Variants in LYSMD4 observed in about 807,000 individuals in gnomAD.
The protein encoded by LYSMD4 is lysM and putative peptidoglycan-binding domain-containing protein 4.
A neutral mutation model predicts 6.1 loss-of-function variants in LYSMD4; 9 were observed. That is an observed-to-expected ratio of 1.47 (90% CI 0.88 to 2.56). The LOEUF is 2.56. Ranked by LOEUF, LYSMD4 falls within the 30% of genes most tolerant of loss-of-function variation. LYSMD4 has a pLI of 0.00. For missense variants in LYSMD4, 384 were observed against 373.5 expected (o/e 1.03, Z -0.23); for synonymous variants, 143 against 148.5 (o/e 0.96, Z 0.27).
chr15:99,720,602 C>T (rs963362530), upstream of LYSMD4, among the ~76,000 whole-genome samples: 5 of 152,368 alleles, frequency 3.3e-5, no homozygotes, highest in Admixed American at 3.3e-4. Context: ...GCTCTCAACA[C>T]TGCCCAGAGA....
chr15:99,716,882 G>C, exon 1 of LYSMD4: 1 of 350,884 alleles, frequency 2.8e-6, no homozygotes, highest in South Asian at 2.1e-5. Flanking sequence ...TAGATTCTGG[G>C]TCTCTTTAAA....
chr15:99,728,975 A>G lies in LYSMD4; in HGVS notation c.*148T>C. On this transcript the variant is annotated 3_prime_UTR_variant, in exon 3 of 3. Coordinates refer to ENST00000684762, the MANE Select transcript of LYSMD4 (RefSeq NM_001284417.2). ...ACTGGGTAAGGCCATGCCCAGGGCC[A>G]GTGCAATTGGGAATACTGCAGTGAC... The G allele has an allele frequency of 9.1e-7, 1 of 1,098,886 alleles. No individual in the cohort carries two copies. The highest frequency in any genetic ancestry group is 1.5e-5 in the South Asian group (1 of 68,026). 68.1% of individuals were successfully genotyped at this position (1,098,886 alleles called of 1,614,324 possible).
upstream of LYSMD4, among the ~76,000 whole-genome samples, chr15:99,720,214 A>G (rs2059227828): frequency 6.6e-6 from 1 of 152,214 alleles, no homozygotes; most frequent in South Asian, 2.1e-4. Context: ...CCAAGGTTAG[A>G]GAGGAAGTCA....
chr15:99,724,563 C>T (rs1184820044), downstream of LYSMD4, among the ~76,000 whole-genome samples: 1 of 152,246 alleles, frequency 6.6e-6, no homozygotes, highest in African/African-American at 2.4e-5. Flanking sequence ...CTGCGCCCAG[C>T]CCTGGCATAG....
At chr15:99,731,588 T>C in intron 2 of LYSMD4, 130 bp downstream of exon 2, 1 of 1,525,316 alleles carries the variant, frequency 6.6e-7, no homozygotes, top group Non-Finnish European at 8.8e-7. Flanking sequence ...AGGGGAGTCC[T>C]TGGCTGCTAC....
chr15:99,724,142 G>A (rs2059259142), downstream of LYSMD4, among the ~76,000 whole-genome samples: 1 of 151,052 alleles, frequency 6.6e-6, no homozygotes, highest in African/African-American at 2.5e-5. Context: ...TCTTTCAGAT[G>A]TCGACTAAGG....
intron 1 of LYSMD4, 191 bp downstream of exon 1, chr15:99,733,154 C>G (rs2059463735): frequency 2.7e-6 from 1 of 372,682 alleles, no homozygotes; most frequent in Admixed American, 4.6e-5. Flanking sequence ...GACCTCTGAC[C>G]CCCAACCCTA....
At chr15:99,724,101 C>T (rs930539970), downstream of LYSMD4, among the ~76,000 whole-genome samples, 3 of 150,954 alleles carry the variant, frequency 2.0e-5, no homozygotes, top group Non-Finnish European at 2.9e-5. Flanking sequence ...TGAAAAGAAC[C>T]ATCCACTGCC....
chr15:99,728,079 T>G lies in LYSMD4; in HGVS notation c.*1044A>C, dbSNP rs1326186503. 6.6e-6 allele frequency: 1 copy of G among 152,302 alleles called. No homozygotes were observed. Among genetic ancestry groups the G allele is most frequent in the Non-Finnish European group, 1.5e-5 (1 of 68,074 alleles). The allele number at this position is 152,302 out of a possible 1,614,324, so 9.4% of individuals were successfully genotyped here. ...ACAAGGGTCGCCTCTAGCCCCTCCA[T>G]CAAGTCTTTGGTCCTGGAACATTGT... is the stretch of plus-strand genomic sequence containing the variant. On this transcript the variant is annotated 3_prime_UTR_variant, in exon 3 of 3. Coordinates refer to ENST00000684762, the MANE Select transcript of LYSMD4 (RefSeq NM_001284417.2).
At chr15:99,722,217 C>T (rs528622351), upstream of LYSMD4, among the ~76,000 whole-genome samples, 11 of 152,176 alleles carry the variant, frequency 7.2e-5, no homozygotes, top group African/African-American at 1.7e-4. Context: ...TGTGTGTGTT[C>T]GGTGGTGAGA....
At chr15:99,730,774 C>T (rs900171585) in intron 2 of LYSMD4, among the ~76,000 whole-genome samples, 8 of 152,152 alleles carry the variant, frequency 5.3e-5, no homozygotes, top group African/African-American at 1.2e-4. Context: ...ATATTCTTTA[C>T]GGATTTAGAC....
At chr15:99,721,317 G>A (rs1270828546), upstream of LYSMD4, among the ~76,000 whole-genome samples, 3 of 152,184 alleles carry the variant, frequency 2.0e-5, no homozygotes, top group Non-Finnish European at 4.4e-5. Flanking sequence ...AGGATTTAGG[G>A]AGGAGGGAGG....
chr15:99,722,748 C>A (rs573479383), downstream of LYSMD4, among the ~76,000 whole-genome samples: 2 of 152,130 alleles, frequency 1.3e-5, no homozygotes, highest in Non-Finnish European at 2.9e-5. Context: ...GTAAAAGATG[C>A]GTTGGGCCAG....
chr15:99,716,182 C>CTT (rs1347625063), exon 1 of LYSMD4: 1 of 180,510 alleles, frequency 5.5e-6, no homozygotes, highest in East Asian at 1.5e-4. Flanking sequence ...TTTAAAATGG[C>CTT]TTTTTTAAAA....
At chr15:99,721,639 G>C (rs926418013), upstream of LYSMD4, among the ~76,000 whole-genome samples, 6 of 152,162 alleles carry the variant, frequency 3.9e-5, no homozygotes, top group South Asian at 4.1e-4. Flanking sequence ...TCCACTGACA[G>C]GCCTGCTCCC....
downstream of LYSMD4, among the ~76,000 whole-genome samples, chr15:99,724,042 T>TC (rs774994973): frequency 6.6e-5 from 10 of 150,828 alleles, no homozygotes; most frequent in Non-Finnish European, 1.3e-4. Context: ...GTCTACATAG[T>TC]CCCCCGTTTC....
downstream of LYSMD4, among the ~76,000 whole-genome samples, chr15:99,722,483 T>G (rs1306081775): frequency 6.6e-6 from 1 of 152,066 alleles, no homozygotes; most frequent in African/African-American, 2.4e-5. Flanking sequence ...CAACATAAAA[T>G]TCACCATGTC....
At chr15:99,726,083 G>A (rs1250299130), downstream of LYSMD4, among the ~76,000 whole-genome samples, 1 of 150,576 alleles carries the variant, frequency 6.6e-6, no homozygotes, top group Non-Finnish European at 1.5e-5. Context: ...CCCCAAAGAG[G>A]AAATGGTCAT....
chr15:99,716,997 T>C lies in LYSMD4; in HGVS notation c.-200A>G, dbSNP rs1037329431. 1.3e-4 allele frequency: 35 copies of C among 275,258 alleles called. 1 individual carries two copies. In the Admixed American group the frequency reaches 1.4e-3, roughly 11 times the overall value. 17.1% of individuals were successfully genotyped at this position (275,258 alleles called of 1,614,324 possible). On this transcript the variant is annotated 5_prime_UTR_variant, in exon 1 of 1. Transcript: ENST00000378904. ...GGCATGAATTGAGTTTTCAGAGTGT[T>C]AGGTGTACGTCCCAGTATGCTGGCA...
Sources: gnomAD v4.1 joint callset for allele counts (sites outside exome capture counted in the v4.1 genomes callset) on GRCh38, gnomAD v4.1.1 for gene constraint, MANE v1.5 for transcripts, NCBI Gene and HGNC (gene_info 2026-07-23, HGNC 2026-07-21) for gene names.